Variants in CADM2 observed in about 807,000 individuals in gnomAD.
CADM2 encodes the protein immunoglobulin superfamily member 4D.
A neutral mutation model predicts 49.8 loss-of-function variants in CADM2; 12 were observed. The ratio of observed to expected loss-of-function variants is 0.24; its 90% confidence interval spans 0.15 to 0.39. The LOEUF (loss-of-function observed/expected upper bound fraction) is 0.39, where lower values mean the gene tolerates loss of function less well. Ranked by LOEUF, CADM2 falls within the 10% of genes least tolerant of loss-of-function variation. The probability of loss-of-function intolerance (pLI) is 1.00; values close to 1 mark genes in which losing one functional copy is unlikely to be tolerated. For synonymous variants in CADM2, 214 were observed against 175.4 expected, an observed-to-expected ratio of 1.22 and a Z score of -1.74; for missense variants, 378 against 492.3, an observed-to-expected ratio of 0.77 and a Z score of 2.20.
chr3:85,820,097 A>G (rs1210633122), intron 3 of CADM2, among the ~76,000 whole-genome samples: 2 of 152,116 alleles, frequency 1.3e-5, no homozygotes, highest in African/African-American at 2.4e-5. Flanking sequence ...CCAGAAGTAA[A>G]GACACTCTGA....
intron 1 of CADM2, among the ~76,000 whole-genome samples, chr3:85,547,520 G>A (rs1391431092): frequency 6.6e-6 from 1 of 152,140 alleles, no homozygotes. Context: ...CTGGCAGTCA[G>A]AAACCCTAGC....
At chr3:84,984,452 A>G (rs371963822) in intron 1 of CADM2, among the ~76,000 whole-genome samples, 1 of 147,252 alleles carries the variant, frequency 6.8e-6, no homozygotes, top group East Asian at 2.0e-4. Flanking sequence ...CATAATCTTT[A>G]TATGGCCTTT....
At chr3:85,573,918 ATCT>A (rs2062555126) in intron 1 of CADM2, among the ~76,000 whole-genome samples, 18 of 151,952 alleles carry the variant, frequency 1.2e-4, no homozygotes, top group Admixed American at 1.1e-3. Flanking sequence ...TATTGTAGTA[ATCT>A]ACATATGCAA....
intron 1 of CADM2, among the ~76,000 whole-genome samples, chr3:85,506,439 C>T (rs2040355329): frequency 1.3e-5 from 2 of 152,124 alleles, no homozygotes; most frequent in Admixed American, 6.5e-5. Flanking sequence ...CAGCCTTATT[C>T]CTGATAGTTT....
At chr3:86,057,098 C>A (rs570768183) in intron 8 of CADM2, among the ~76,000 whole-genome samples, 8 of 152,178 alleles carry the variant, frequency 5.3e-5, no homozygotes, top group Admixed American at 3.9e-4. Flanking sequence ...AGATAGTATT[C>A]TTAAGCGTTT....
intron 8 of CADM2, among the ~76,000 whole-genome samples, chr3:85,971,077 G>A (rs1013021819): frequency 3.3e-5 from 5 of 151,420 alleles, no homozygotes; most frequent in East Asian, 3.9e-4. Context: ...GTTCACTGAC[G>A]TTAATATTTT....
At chr3:85,127,050 A>G in intron 1 of CADM2, among the ~76,000 whole-genome samples, 1 of 152,164 alleles carries the variant, frequency 6.6e-6, no homozygotes, top group Non-Finnish European at 1.5e-5. Flanking sequence ...ATTTTTAAGG[A>G]CAATTTTTAG....
At chr3:85,496,087 A>G (rs2039879723) in intron 1 of CADM2, among the ~76,000 whole-genome samples, 1 of 152,122 alleles carries the variant, frequency 6.6e-6, no homozygotes, top group Admixed American at 6.5e-5. Flanking sequence ...GTACACGTTC[A>G]GGTTTGTTAC....
intron 1 of CADM2, among the ~76,000 whole-genome samples, chr3:85,232,697 A>C (rs963836621): frequency 6.6e-6 from 1 of 152,168 alleles, no homozygotes; most frequent in Non-Finnish European, 1.5e-5. Flanking sequence ...AGGGAATTGC[A>C]AATTGAAACA....
At chr3:85,864,355 T>G (rs1244894051) in intron 3 of CADM2, among the ~76,000 whole-genome samples, 2 of 152,204 alleles carry the variant, frequency 1.3e-5, no homozygotes, top group African/African-American at 4.8e-5. Context: ...TTGCTAAATA[T>G]TTTGATTAGT....
chr3:85,979,335 G>A (rs770364698), intron 8 of CADM2: 66 of 1,571,920 alleles, frequency 4.2e-5, no homozygotes, highest in Non-Finnish European at 5.4e-5. Context: ...CTGGAGCTCT[G>A]TAGAAGTTTT....
intron 2 of CADM2, among the ~76,000 whole-genome samples, chr3:85,772,156 G>A (rs1053078373): frequency 6.6e-6 from 1 of 151,744 alleles, no homozygotes; most frequent in Non-Finnish European, 1.5e-5. Flanking sequence ...TAGCATTTAT[G>A]AAACATAAAA....
chr3:85,178,578 T>TAAA (rs1212070500), intron 1 of CADM2, among the ~76,000 whole-genome samples: 1 of 151,884 alleles, frequency 6.6e-6, no homozygotes, highest in Non-Finnish European at 1.5e-5. Context: ...AGGTACTGAA[T>TAAA]AAAAGTCTGT....
chr3:85,256,576 A>C (rs2042890683), intron 1 of CADM2, among the ~76,000 whole-genome samples: 1 of 152,078 alleles, frequency 6.6e-6, no homozygotes, highest in Non-Finnish European at 1.5e-5. Flanking sequence ...ACCCCCAAAT[A>C]AATTGTGAAA....
intron 8 of CADM2, among the ~76,000 whole-genome samples, chr3:85,995,128 A>G (rs1293939115): frequency 6.6e-6 from 1 of 151,932 alleles, no homozygotes; most frequent in Non-Finnish European, 1.5e-5. Context: ...AAGGTCTAAG[A>G]CATTTATGAG....
intron 1 of CADM2, among the ~76,000 whole-genome samples, chr3:85,209,812 T>C (rs909082635): frequency 6.6e-6 from 1 of 152,170 alleles, no homozygotes; most frequent in African/African-American, 2.4e-5. Context: ...CTTTGAAAAG[T>C]TCACAAATGG....
intron 1 of CADM2, among the ~76,000 whole-genome samples, chr3:85,468,305 C>T (rs2038612306): frequency 6.6e-6 from 1 of 151,966 alleles, no homozygotes; most frequent in Non-Finnish European, 1.5e-5. Flanking sequence ...AGAGAAGATG[C>T]TCACATTAGG....
chr3:85,862,593 G>A (rs1476703529), intron 3 of CADM2, among the ~76,000 whole-genome samples: 1 of 151,828 alleles, frequency 6.6e-6, no homozygotes, highest in Non-Finnish European at 1.5e-5. Context: ...ACATTTTTTG[G>A]CATTATTAAT....
intron 2 of CADM2, among the ~76,000 whole-genome samples, chr3:85,743,636 T>C (rs1031322263): frequency 1.3e-5 from 2 of 152,150 alleles, no homozygotes; most frequent in Non-Finnish European, 2.9e-5. Flanking sequence ...AAAAAAGAAT[T>C]CACTACCTCC....
Sources: allele counts gnomAD v4.1 joint callset (sites outside exome capture counted in the v4.1 genomes callset), GRCh38; gene constraint gnomAD v4.1.1; transcripts MANE v1.5; gene names NCBI Gene and HGNC (gene_info 2026-07-23, HGNC 2026-07-21).